The following CA8 variants were observed in gnomAD, a reference collection of about 807,000 sequenced individuals.
CA8 encodes carbonic anhydrase 8 (inactive).
CA8 carries 22 observed loss-of-function variants against 41.4 expected under a neutral mutation model. That is an observed-to-expected ratio of 0.53 (90% CI 0.38 to 0.76). CA8 has a LOEUF of 0.76. CA8 is among the 30% of genes least tolerant of loss of function. The pLI is 0.00. For missense variants in CA8, 270 were observed against 352.8 expected, an observed-to-expected ratio of 0.77 and a Z score of 1.88; for synonymous variants, 121 against 130.6, an observed-to-expected ratio of 0.93 and a Z score of 0.50.
At chr8:60,198,110 A>T (rs1367794547) in intron 8 of CA8, among the ~76,000 whole-genome samples, 1 of 152,156 alleles carries the variant, frequency 6.6e-6, no homozygotes, top group Non-Finnish European at 1.5e-5. Flanking sequence ...TGCTGTTGTG[A>T]AATGTGGTGT....
chr8:60,278,750 TG>T (rs999208595), intron 2 of CA8, among the ~76,000 whole-genome samples: 4 of 152,212 alleles, frequency 2.6e-5, no homozygotes, highest in African/African-American at 9.6e-5. Flanking sequence ...ACATTTACAA[TG>T]AATAAAATAA....
At chr8:60,262,052 C>T (rs1803750997) in intron 3 of CA8, among the ~76,000 whole-genome samples, 1 of 152,128 alleles carries the variant, frequency 6.6e-6, no homozygotes, top group African/African-American at 2.4e-5. Flanking sequence ...AATCTAAATG[C>T]CTGAGAAGCT....
intron 2 of CA8, among the ~76,000 whole-genome samples, chr8:60,274,505 C>A (rs892069628): frequency 6.6e-6 from 1 of 152,162 alleles, no homozygotes; most frequent in Admixed American, 6.5e-5. Context: ...ATGCCTGCAT[C>A]CCCCTCCAAA....
intron 7 of CA8, among the ~76,000 whole-genome samples, chr8:60,214,249 T>C (rs1473895191): frequency 1.3e-5 from 2 of 152,232 alleles, no homozygotes; most frequent in Admixed American, 6.5e-5. Context: ...TTCGTCCTCA[T>C]GTAGCAGAAG....
chr8:60,243,681 G>A (rs922092827), intron 3 of CA8, among the ~76,000 whole-genome samples: 2 of 151,964 alleles, frequency 1.3e-5, no homozygotes, highest in Non-Finnish European at 2.9e-5. Context: ...TCACGTTTTC[G>A]CCTGGGAGAC....
intron 3 of CA8, among the ~76,000 whole-genome samples, chr8:60,247,900 A>C (rs948906760): frequency 1.1e-4 from 17 of 152,196 alleles, no homozygotes; most frequent in African/African-American, 4.1e-4. Flanking sequence ...GTTTCTCCAC[A>C]GCCTCGCCAA....
chr8:60,281,174 T>C lies in CA8; in HGVS notation c.-27A>G, dbSNP rs751430906. On this transcript the variant is annotated 5_prime_UTR_variant, in exon 1 of 9. Coordinates refer to ENST00000317995, the MANE Select transcript of CA8 (RefSeq NM_004056.6). ...GGAAGGCCGCGGGGCCCCTCGGCGC[T>C]CTCGGCAGCAGTGCCTGCGCCTTCG... is the stretch of plus-strand genomic sequence containing the variant. 6.6e-7 allele frequency: 1 copy of C among 1,503,776 alleles called. No individual in the cohort carries two copies. The highest frequency in any genetic ancestry group is 9.0e-7 in the Non-Finnish European group (1 of 1,110,776). 93.2% of individuals were successfully genotyped at this position (1,503,776 alleles called of 1,614,324 possible).
intron 2 of CA8, among the ~76,000 whole-genome samples, chr8:60,276,482 T>C (rs1006512491): frequency 2.0e-5 from 3 of 152,130 alleles, no homozygotes; most frequent in Admixed American, 6.5e-5. Flanking sequence ...TTAACAAAAA[T>C]GCATTAACTC....
chr8:60,272,401 A>G (rs1426473202), intron 2 of CA8, among the ~76,000 whole-genome samples: 2 of 152,058 alleles, frequency 1.3e-5, no homozygotes, highest in South Asian at 4.2e-4. Context: ...AAAAAAAAAA[A>G]GAAAGGTTCT....
intron 3 of CA8, among the ~76,000 whole-genome samples, chr8:60,240,147 A>G (rs1348227948): frequency 6.6e-6 from 1 of 152,268 alleles, no homozygotes; most frequent in Non-Finnish European, 1.5e-5. Flanking sequence ...CCATTAAAAG[A>G]GAACAGACTT....
chr8:60,198,351 C>T (rs1428787347), intron 8 of CA8, among the ~76,000 whole-genome samples: 1 of 152,112 alleles, frequency 6.6e-6, no homozygotes, highest in Non-Finnish European at 1.5e-5. Flanking sequence ...TTTTTGTTCC[C>T]ATCACTCACT....
In CA8 at chr8:60,260,039, C is replaced by G. The variant is rs1803680273; in HGVS notation, c.417+5886G>C. On this transcript the variant is annotated intron_variant, in intron 3 of 8. Coordinates refer to ENST00000317995, the MANE Select transcript of CA8 (RefSeq NM_004056.6). ...CTCTTAATACAAACCTTTCTTTTTA[C>G]TCCCAAAGCAACCTCAATCCAAAGT... 3.3e-5 allele frequency among the ~76,000 whole-genome samples: 5 copies of G among 152,168 alleles called. No homozygotes were observed. The South Asian group carries it at 1.0e-3, about 32-fold the overall frequency.
At chr8:60,262,582 G>A (rs1372453052) in intron 3 of CA8, among the ~76,000 whole-genome samples, 2 of 152,156 alleles carry the variant, frequency 1.3e-5, no homozygotes, top group Non-Finnish European at 2.9e-5. Flanking sequence ...GCTGGGTGCA[G>A]TGGCACACAA....
At chr8:60,248,078 C>T (rs541062172) in intron 3 of CA8, among the ~76,000 whole-genome samples, 1 of 150,558 alleles carries the variant, frequency 6.6e-6, no homozygotes, top group Non-Finnish European at 1.5e-5. Context: ...TGTTCATATA[C>T]TTTGCCCAGT....
intron 3 of CA8, among the ~76,000 whole-genome samples, chr8:60,236,513 A>G (rs1026615743): frequency 1.3e-5 from 2 of 152,238 alleles, no homozygotes; most frequent in African/African-American, 4.8e-5. Flanking sequence ...GGCAACCAAC[A>G]GAAGTTTAAA....
rs750230158 is a variant in CA8, at chr8:60,281,149, G to A, written c.-2C>T. On this transcript the variant is annotated 5_prime_UTR_variant, in exon 1 of 9. Transcript: ENST00000317995. ...TTCGATGAAGCTCAGGTCCGCCATG[G>A]GAAGGCCGCGGGGCCCCTCGGCGCT... The A allele has an allele frequency of 1.3e-6, 2 of 1,554,582 alleles. No individual in the cohort carries two copies. The highest frequency in any genetic ancestry group is 1.7e-6 in the Non-Finnish European group (2 of 1,150,768).
chr8:60,255,126 G>T (rs186556828), intron 3 of CA8, among the ~76,000 whole-genome samples: 202 of 152,196 alleles, frequency 1.3e-3, no homozygotes, highest in South Asian at 4.2e-3. Context: ...CCTGAACAAA[G>T]CTGGCTTTCC....
At chr8:60,252,691 C>T (rs949168671) in intron 3 of CA8, among the ~76,000 whole-genome samples, 1 of 152,200 alleles carries the variant, frequency 6.6e-6, no homozygotes, top group South Asian at 2.1e-4. Flanking sequence ...AAAATCTCTA[C>T]TCCAAAATAT....
intron 3 of CA8, among the ~76,000 whole-genome samples, chr8:60,251,672 C>A (rs868635330): frequency 1.3e-5 from 2 of 152,128 alleles, no homozygotes; most frequent in Non-Finnish European, 2.9e-5. Context: ...TTGTCCATAC[C>A]CCAAATAAGA....
Sources: gnomAD v4.1 joint callset for allele counts (sites outside exome capture counted in the v4.1 genomes callset) on GRCh38, gnomAD v4.1.1 for gene constraint, MANE v1.5 for transcripts, NCBI Gene and HGNC (gene_info 2026-07-23, HGNC 2026-07-21) for gene names.